The following IQCK variants were observed in gnomAD, a reference collection of about 807,000 sequenced individuals.
IQCK encodes the protein IQ motif containing K, also known as IQ domain-containing protein K.
In IQCK, 29 loss-of-function variants were observed where a neutral mutation model predicts 28.1. The observed-to-expected ratio is 1.03, with a 90% CI of 0.77 to 1.41. The LOEUF (loss-of-function observed/expected upper bound fraction) is 1.41, where lower values mean the gene tolerates loss of function less well. Ranked by LOEUF, IQCK falls within the 40% of genes most tolerant of loss-of-function variation. The probability of loss-of-function intolerance (pLI) is 0.00; values close to 1 mark genes in which losing one functional copy is unlikely to be tolerated. For missense variants in IQCK, 359 were observed against 314.7 expected, an observed-to-expected ratio of 1.14 and a Z score of -1.07; for synonymous variants, 113 against 115.1, an observed-to-expected ratio of 0.98 and a Z score of 0.12.
intron 5 of IQCK, 49 bp downstream of exon 5, chr16:19,763,949 G>T: frequency 6.3e-7 from 1 of 1,597,320 alleles, no homozygotes; most frequent in East Asian, 2.2e-5. Context: ...ATTCAGTCGT[G>T]TTAATTTGCA....
At chr16:19,726,429 A>T (rs1236696614) in intron 1 of IQCK, among the ~76,000 whole-genome samples, 1 of 152,190 alleles carries the variant, frequency 6.6e-6, no homozygotes, top group African/African-American at 2.4e-5. Context: ...CCAAATTTTA[A>T]GTTATTTTTT....
intron 2 of IQCK, among the ~76,000 whole-genome samples, chr16:19,731,914 A>G (rs527477576): frequency 6.6e-6 from 1 of 152,326 alleles, no homozygotes; most frequent in East Asian, 1.9e-4. Context: ...TTTATGATAC[A>G]TGGCAGGGTT....
At chr16:19,729,470 T>G (rs1031843653) in intron 1 of IQCK, among the ~76,000 whole-genome samples, 1 of 151,792 alleles carries the variant, frequency 6.6e-6, no homozygotes, top group African/African-American at 2.4e-5. Context: ...TTACCCAACC[T>G]CCACGTTCTC....
At chr16:19,818,366 G>GTA (rs1003209473) in intron 7 of IQCK, among the ~76,000 whole-genome samples, 1 of 152,012 alleles carries the variant, frequency 6.6e-6, no homozygotes, top group Non-Finnish European at 1.5e-5. Flanking sequence ...GTGTGTGTGT[G>GTA]TATACACATA....
chr16:19,754,894 C>G (rs1412759767), intron 4 of IQCK, among the ~76,000 whole-genome samples: 1 of 152,146 alleles, frequency 6.6e-6, no homozygotes, highest in Non-Finnish European at 1.5e-5. Context: ...AGCATGATCC[C>G]TTTTCAGCCA....
At chr16:19,773,180 T>C (rs368870215) in intron 6 of IQCK, among the ~76,000 whole-genome samples, 4 of 152,170 alleles carry the variant, frequency 2.6e-5, no homozygotes, top group South Asian at 4.2e-4. Flanking sequence ...AATGGAGGAC[T>C]GAGTTTTCCT....
Position 19,827,156 on chromosome 16 carries a change from T to G in IQCK, c.821T>G (p.Leu274Arg), listed in dbSNP as rs370904668. ...CAAAAAGGTAAGTTGCTGGATTCAC[T>G]GTCCTTAGTTCATTCAAGAAAAGCC... Residue 274 changes from leucine (L) to arginine (R), a missense_variant, in exon 8 of 8, where the codon CTG (leucine) becomes CGG (arginine). Leu to Arg is a moderately radical substitution (Grantham distance 102, BLOSUM62 -2). Transcript: ENST00000564186. The G allele has an allele frequency of 4.3e-5, 65 of 1,503,394 alleles. No homozygotes were observed. The highest frequency in any genetic ancestry group is 5.5e-5 in the Non-Finnish European group (59 of 1,079,068). 93.1% of individuals were successfully genotyped at this position (1,503,394 alleles called of 1,614,324 possible).
chr16:19,820,542 G>C (rs564980513), intron 7 of IQCK, among the ~76,000 whole-genome samples: 2 of 151,880 alleles, frequency 1.3e-5, no homozygotes, highest in Non-Finnish European at 2.9e-5. Flanking sequence ...CCAGCTACTC[G>C]GGAGGCTGAG....
chr16:19,718,276 G>A (rs770038578), upstream of IQCK: 18 of 1,579,310 alleles, frequency 1.1e-5, no homozygotes, highest in South Asian at 2.1e-4. Flanking sequence ...GCGGCCTTCC[G>A]GCGAACGCGG....
intron 6 of IQCK, among the ~76,000 whole-genome samples, chr16:19,766,576 T>G (rs2055241090): frequency 6.6e-6 from 1 of 152,242 alleles, no homozygotes; most frequent in African/African-American, 2.4e-5. Flanking sequence ...CCAGGTTGTC[T>G]CAACCTTGGC....
rs548763254 is a variant in IQCK at position 19,839,395 on chromosome 16, A to G, written c.802+12258A>G. 3.1e-3 allele frequency among the ~76,000 whole-genome samples: 476 copies of G among 152,064 alleles called. 7 individuals are homozygous for G. Among genetic ancestry groups the G allele is most frequent in the East Asian group, 1.2e-3 (6 of 5,096 alleles). ...AGGCTGGTCTCGAACTCCTGACCAC[A>G]AGTGATCCACCCTCCTCGGCTTCCC... is the stretch of plus-strand genomic sequence containing the variant. On this transcript the variant is annotated intron_variant, in intron 9 of 9. Transcript: ENST00000320394.
intron 1 of IQCK, among the ~76,000 whole-genome samples, chr16:19,724,064 G>C (rs972322009): frequency 3.9e-5 from 6 of 151,974 alleles, no homozygotes; most frequent in African/African-American, 1.5e-4. Flanking sequence ...CAAGCACTTC[G>C]GTACCACTGT....
downstream of IQCK, among the ~76,000 whole-genome samples, chr16:19,828,016 G>A (rs892973400): frequency 5.7e-4 from 86 of 151,388 alleles, no homozygotes; most frequent in African/African-American, 2.1e-3. Flanking sequence ...GGGTTCAAGT[G>A]ATTCTCCAGC....
chr16:19,771,883 G>C (rs2055325342), intron 6 of IQCK, among the ~76,000 whole-genome samples: 1 of 152,162 alleles, frequency 6.6e-6, no homozygotes, highest in South Asian at 2.1e-4. Context: ...TTATGGAGGA[G>C]GGGAGGGGGT....
intron 6 of IQCK, among the ~76,000 whole-genome samples, chr16:19,781,815 C>A (rs1248875996): frequency 1.3e-5 from 2 of 152,028 alleles, no homozygotes; most frequent in Non-Finnish European, 2.9e-5. Context: ...ATGGTGAAAC[C>A]CCATCTCTAC....
chr16:19,748,455 A>G (rs913452077), intron 4 of IQCK, among the ~76,000 whole-genome samples: 17 of 152,220 alleles, frequency 1.1e-4, no homozygotes, highest in African/African-American at 3.9e-4. Flanking sequence ...TCTGATCTGT[A>G]AAATATGAAT....
chr16:19,852,376 G>A (rs1223150429), intron 9 of IQCK, among the ~76,000 whole-genome samples: 2 of 151,860 alleles, frequency 1.3e-5, no homozygotes, highest in African/African-American at 2.4e-5. Context: ...ACTCCAGCCT[G>A]GGCAACAAAG....
At chr16:19,759,890 G>A (rs1178603503) in intron 4 of IQCK, among the ~76,000 whole-genome samples, 1 of 152,086 alleles carries the variant, frequency 6.6e-6, no homozygotes, top group Admixed American at 6.5e-5. Flanking sequence ...GGCTGAGGCA[G>A]GAGGCAGGAG....
chr16:19,824,072 T>A (rs1248584920), intron 7 of IQCK, among the ~76,000 whole-genome samples: 2 of 152,204 alleles, frequency 1.3e-5, no homozygotes, highest in African/African-American at 4.8e-5. Context: ...GGTTTTGGGA[T>A]GATACAAGCA....
Sources: allele counts gnomAD v4.1 joint callset (sites outside exome capture counted in the v4.1 genomes callset), GRCh38; gene constraint gnomAD v4.1.1; transcripts MANE v1.5; gene names NCBI Gene and HGNC (gene_info 2026-07-23, HGNC 2026-07-21).